AKAP17A: variants seen among roughly 807,000 people sequenced by gnomAD.
The protein encoded by AKAP17A is A-kinase anchor protein 17A.
In AKAP17A, 15 loss-of-function variants were observed where a neutral mutation model predicts 52.2. That is an observed-to-expected ratio of 0.29 (90% confidence interval 0.19 to 0.44). The LOEUF is 0.44. Ranked by LOEUF, AKAP17A falls within the 20% of genes least tolerant of loss-of-function variation. AKAP17A has a pLI of 1.00. For missense variants in AKAP17A, 1,060 were observed against 1,007.0 expected (o/e 1.05, Z -0.71); for synonymous variants, 514 against 424.7 (o/e 1.21, Z -2.58).
At chrX:1,599,090 T>C (rs1198866071) in intron 3 of AKAP17A, 102 bp from the exon 4 acceptor site, 1 of 1,517,898 alleles carries the variant, frequency 6.6e-7, no homozygotes, top group Non-Finnish European at 8.8e-7. Context: ...GCTTAATCGT[T>C]GGACCGTGGC....
In AKAP17A at chrX:1,595,567, G is replaced by A. The variant is rs367834936; in HGVS notation, c.911+35G>A. 33 of 1,612,482 alleles carry A rather than the reference G, an allele frequency of 2.0e-5. No homozygotes were observed. In the African/African-American group the frequency reaches 4.3e-4, roughly 21 times the overall value. On this transcript the variant is annotated intron_variant, in intron 3 of 4. Coordinates refer to ENST00000313871, the MANE Select transcript of AKAP17A (RefSeq NM_005088.3). Reference sequence around the variant, plus strand: ...GCGGGAGCGGGCCCTCGGCGCTGGTGTCCGGCACCTGGGAGTGTGCGCAGA... The same window carrying A: ...GCGGGAGCGGGCCCTCGGCGCTGGTATCCGGCACCTGGGAGTGTGCGCAGA...
chrX:1,594,766 G>A (rs185848482), intron 2 of AKAP17A, among the ~76,000 whole-genome samples: 186 of 152,032 alleles, frequency 1.2e-3, no homozygotes, highest in African/African-American at 3.8e-3. Flanking sequence ...CTACAGGCGC[G>A]TGCCATCACA....
chrX:1,594,090 G>A lies in AKAP17A; in HGVS notation c.628G>A (p.Gly210Arg). Residue 210 changes from glycine (G) to arginine (R), a missense_variant, in exon 2 of 5, where the codon GGG becomes AGG. Around this residue, in one of 2 missense-constraint regions of AKAP17A, gnomAD observed 267 missense variants for 377.1 expected, o/e 0.71. Transcript: ENST00000313871. ...CCGCAACTTCCACACCTTCAGTTTC[G>A]GGGGGCACTTGAACTTCGAGGCCTA... ...TGRNFHTFSF[G>R]GHLNFEAYVQ... is the part of the protein sequence containing the mutation. 1.2e-6 allele frequency: 2 copies of A among 1,613,530 alleles called. No homozygotes were observed. The highest frequency in any genetic ancestry group is 8.5e-7 in the Non-Finnish European group (1 of 1,179,704).
At chrX:1,594,718 G>A (rs775087057) in intron 2 of AKAP17A, among the ~76,000 whole-genome samples, 60 of 151,694 alleles carry the variant, frequency 4.0e-4, no homozygotes, top group African/African-American at 1.4e-3. Flanking sequence ...TCCTGGGTTC[G>A]AGCGATTCTT....
intron 3 of AKAP17A, among the ~76,000 whole-genome samples, chrX:1,598,211 TTAAA>T (rs1933122378): frequency 6.7e-6 from 1 of 148,542 alleles, no homozygotes; most frequent in East Asian, 1.9e-4. Context: ...CACAGGGCGG[TTAAA>T]CCTTCAGCAC....
Position 1,601,683 on chromosome X carries a change from CCCTGCAAAGCCAAGACCCT to C in AKAP17A, c.*90_*108del. The C allele has an allele frequency of 1.6e-6, 2 of 1,254,714 alleles. No homozygotes were observed. The highest frequency in any genetic ancestry group is 2.1e-6 in the Non-Finnish European group (2 of 969,462). 77.7% of individuals were successfully genotyped at this position (1,254,714 alleles called of 1,614,324 possible). On this transcript the variant is annotated 3_prime_UTR_variant, in exon 5 of 5. Coordinates refer to ENST00000313871, the MANE Select transcript of AKAP17A (RefSeq NM_005088.3). Reference sequence around the variant, plus strand: ...CGCTCCTTGGCCGCTCTCCGTCCACCCCTGCAAAGCCAAGACCCTTCTGCAGCCACGAATGTCCACGGAG... The same window carrying C: ...CGCTCCTTGGCCGCTCTCCGTCCACCTCTGCAGCCACGAATGTCCACGGAG...
chrX:1,596,452 C>G lies in AKAP17A; in HGVS notation c.911+920C>G, dbSNP rs748432234. On this transcript the variant is annotated intron_variant, in intron 3 of 4. Coordinates refer to ENST00000313871, the MANE Select transcript of AKAP17A (RefSeq NM_005088.3). ...CCTCCTCCTCCTCCTCCTCCTCCAT[C>G]CCTCCCACCCTCCTAGTGAGGTGGA... is the stretch of plus-strand genomic sequence containing the variant. Among the ~76,000 whole-genome samples, 3 of 106,934 alleles carry G rather than the reference C, an allele frequency of 2.8e-5. No homozygotes were observed. In the South Asian group the frequency reaches 8.6e-4, roughly 31 times the overall value. 70.2% of individuals were successfully genotyped at this position (106,934 alleles called of 152,430 possible).
rs1381636862 is a variant in AKAP17A at position 1,601,969 on chromosome X, G to A, written c.*375G>A. The A allele has an allele frequency of 4.9e-5, 11 of 224,524 alleles. No homozygotes were observed. Among genetic ancestry groups the A allele is most frequent in the East Asian group, 8.7e-5 (1 of 11,498 alleles). The allele number at this position is 224,524 out of a possible 1,614,324, so 13.9% of individuals were successfully genotyped here. Reference sequence around the variant, plus strand: ...TGCTTGGCGACCTCCCTGCGTGCACGGCCTAGGAGGTGCACGGGCCACCAT... The same window carrying A: ...TGCTTGGCGACCTCCCTGCGTGCACAGCCTAGGAGGTGCACGGGCCACCAT... On this transcript the variant is annotated 3_prime_UTR_variant, in exon 5 of 5. Transcript: ENST00000313871.
chrX:1,592,372 G>A lies in AKAP17A; in HGVS notation c.-20+603G>A, dbSNP rs764928737. Among the ~76,000 whole-genome samples the A allele has an allele frequency of 1.4e-4, 21 of 152,094 alleles. 1 individual carries two copies. The East Asian group carries it at 4.1e-3, about 29-fold the overall frequency. ...GGCTGCGGTAGGTGGGAATACCAGG[G>A]GCAATGCCGCGTACTGGGGATTGGG... is the stretch of plus-strand genomic sequence containing the variant. On this transcript the variant is annotated intron_variant, in intron 1 of 4. Coordinates refer to ENST00000313871, the MANE Select transcript of AKAP17A (RefSeq NM_005088.3).
At chrX:1,597,124 C>G (rs1451706747) in intron 3 of AKAP17A, among the ~76,000 whole-genome samples, 2 of 152,194 alleles carry the variant, frequency 1.3e-5, no homozygotes, top group African/African-American at 4.8e-5. Flanking sequence ...TTATGTGACG[C>G]TGGTGCCAGC....
intron 3 of AKAP17A, among the ~76,000 whole-genome samples, chrX:1,597,431 C>T (rs751891408): frequency 9.9e-4 from 151 of 152,260 alleles, no homozygotes; most frequent in Middle Eastern, 3.4e-3. Flanking sequence ...CATGCTGCTG[C>T]GTCGCCATCC....
chrX:1,598,329 G>A (rs765983859), intron 3 of AKAP17A, among the ~76,000 whole-genome samples: 1 of 152,180 alleles, frequency 6.6e-6, no homozygotes, highest in Non-Finnish European at 1.5e-5. Flanking sequence ...GCAGAGCGTG[G>A]GATGCCTTTT....
Position 1,600,124 on chromosome X carries a change from T to C in AKAP17A, c.1153-535T>C, listed in dbSNP as rs375046585. ...CAACGCGGGGCGACCCCATAACCTG[T>C]TGTCTGATTACAGTTGTGATAAGTC... is the stretch of plus-strand genomic sequence containing the variant. On this transcript the variant is annotated intron_variant, in intron 4 of 4. Transcript: ENST00000313871. The C allele has an allele frequency of 1.1e-5, 14 of 1,300,332 alleles. No homozygotes were observed. In the East Asian group the frequency reaches 7.0e-4, roughly 65 times the overall value. 80.5% of individuals were successfully genotyped at this position (1,300,332 alleles called of 1,614,324 possible).
Position 1,599,297 on chromosome X carries a change from G to C in AKAP17A, c.1017G>C (p.Lys339Asn). ...QRDRELRRNQ[K>N]KLEKLQAEEQ... ...ACCGTGAGCTGCGCCGGAATCAGAAGAAGCTGGAGAAGCTGCAGGCGGAGG... is the reference window on the plus strand; with the variant it reads ...ACCGTGAGCTGCGCCGGAATCAGAACAAGCTGGAGAAGCTGCAGGCGGAGG... Residue 339 changes from lysine (K) to asparagine (N), a missense_variant, in exon 4 of 5, where the codon AAG becomes AAC. Around this residue, in one of 2 missense-constraint regions of AKAP17A, gnomAD observed 793 missense variants for 629.9 expected, o/e 1.26. Coordinates refer to ENST00000313871, the MANE Select transcript of AKAP17A (RefSeq NM_005088.3). 1 of 1,610,620 alleles carries C rather than the reference G, an allele frequency of 6.2e-7. No individual in the cohort carries two copies. Among genetic ancestry groups the C allele is most frequent in the Non-Finnish European group, 8.5e-7 (1 of 1,179,006 alleles).
In AKAP17A at chrX:1,593,830, C is replaced by G. The variant is rs770061140; in HGVS notation, c.368C>G (p.Thr123Ser). The change falls in exon 2 of 5, where the codon ACC (threonine) becomes AGC (serine). Residue 123 changes from threonine (T) to serine (S), a missense_variant. Physicochemically the swap from Thr to Ser is moderately conservative, Grantham distance 58. This residue lies in a region of AKAP17A where 267 missense variants were observed against 377.1 expected (regional missense o/e 0.71). Transcript: ENST00000313871. ...RAAEFKIDFPTRHDWDSFFRD... is the reference protein window; with the variant it reads ...RAAEFKIDFPSRHDWDSFFRD... ...GCCGAGTTCAAGATCGACTTCCCCA[C>G]CCGCCACGACTGGGACTCCTTCTTC... 6.2e-7 allele frequency: 1 copy of G among 1,610,236 alleles called. No individual in the cohort carries two copies.
At position 1,601,088 on chromosome X, in the gene AKAP17A, T is replaced by C; in HGVS notation, c.1582T>C (p.Ser528Pro). The C allele has an allele frequency of 6.2e-7, 1 of 1,613,538 alleles. No individual in the cohort carries two copies. The highest frequency in any genetic ancestry group is 8.5e-7 in the Non-Finnish European group (1 of 1,179,648). The change falls in exon 5 of 5, where the codon TCC (serine) becomes CCC (proline). Residue 528 changes from serine to proline, a missense_variant. Around this residue, in one of 2 missense-constraint regions of AKAP17A, gnomAD observed 793 missense variants for 629.9 expected, o/e 1.26. Coordinates refer to ENST00000313871, the MANE Select transcript of AKAP17A (RefSeq NM_005088.3). ...EEAPCKEVQS[S>P]CRVVPEDGSP... ...GGCCCCATGCAAGGAGGTTCAGAGC[T>C]CCTGTCGTGTGGTCCCCGAGGATGG...
chrX:1,592,688 A>T (rs1932859425), intron 1 of AKAP17A, among the ~76,000 whole-genome samples: 1 of 151,860 alleles, frequency 6.6e-6, no homozygotes, highest in Non-Finnish European at 1.5e-5. Context: ...GTCACCTGAG[A>T]TGGTTGGGTT....
intron 1 of AKAP17A, among the ~76,000 whole-genome samples, chrX:1,592,898 G>C (rs751296848): frequency 6.6e-6 from 1 of 152,162 alleles, no homozygotes; most frequent in Non-Finnish European, 1.5e-5. Context: ...GGCCTTCGTG[G>C]AGATTACTAG....
Position 1,594,191 on chromosome X carries a change from C to A in AKAP17A, c.729C>A (p.Gly243=), listed in dbSNP as rs781772512. 6.4e-7 allele frequency: 1 copy of A among 1,567,836 alleles called. No individual in the cohort carries two copies. The highest frequency in any genetic ancestry group is 8.7e-7 in the Non-Finnish European group (1 of 1,153,626). ...ALRGMKLMYK[G]EDGKAVACNI... Reference sequence around the variant, plus strand: ...GCGGGATGAAACTCATGTACAAGGGCGAGGACGGCAAGGCCGTGGCCTGCA... The same window carrying A: ...GCGGGATGAAACTCATGTACAAGGGAGAGGACGGCAAGGCCGTGGCCTGCA... Residue 243 remains glycine, a synonymous_variant, in exon 2 of 5, where the codon GGC becomes GGA. Coordinates refer to ENST00000313871, the MANE Select transcript of AKAP17A (RefSeq NM_005088.3).
Sources: gnomAD v4.1 joint callset for allele counts (sites outside exome capture counted in the v4.1 genomes callset) on GRCh38, gnomAD v4.1.1 for gene constraint, gnomAD v4.1.1 regional missense constraint, MANE v1.5 for transcripts, NCBI Gene and HGNC (gene_info 2026-07-23, HGNC 2026-07-21) for gene names.